NEMP2: variants seen among roughly 807,000 people sequenced by gnomAD.
The protein encoded by NEMP2 is nuclear envelope integral membrane protein 2.
A neutral mutation model predicts 54.2 loss-of-function variants in NEMP2; 53 were observed. The observed-to-expected ratio is 0.98, with a 90% confidence interval of 0.78 to 1.23. The LOEUF (loss-of-function observed/expected upper bound fraction) is 1.23, where lower values mean the gene tolerates loss of function less well. NEMP2 is among the 50% of genes most tolerant of loss of function. NEMP2 has a pLI of 0.00. For synonymous variants in NEMP2, 197 were observed against 190.3 expected, an observed-to-expected ratio of 1.04 and a Z score of -0.29; for missense variants, 455 against 511.3, an observed-to-expected ratio of 0.89 and a Z score of 1.06.
chr2:190,499,808 G>T (rs1280881913), downstream of NEMP2: 2 of 1,527,958 alleles, frequency 1.3e-6, no homozygotes, highest in Non-Finnish European at 1.8e-6. The surrounding 1 kb of genome is among the most constrained non-coding windows in gnomAD (Gnocchi z 6.0). Flanking sequence ...TATAGTGTTT[G>T]TGTTTTTCAT....
the NEMP2 span, among the ~76,000 whole-genome samples, chr2:190,576,168 G>C: frequency 3.9e-5 from 6 of 151,904 alleles, no homozygotes; most frequent in Non-Finnish European, 5.9e-5. Flanking sequence ...ACAGGGTCTC[G>C]CTATGCTGCC....
At chr2:190,475,520 C>A in the NEMP2 span, among the ~76,000 whole-genome samples, 1 of 152,150 alleles carries the variant, frequency 6.6e-6, no homozygotes, top group Non-Finnish European at 1.5e-5. Context: ...TGAAGGACCT[C>A]TTCAAGGAGA....
rs1690551589 is a variant in NEMP2, at chr2:190,516,256, T to C, written c.727+14A>G. 2 of 1,527,078 alleles carry C rather than the reference T, an allele frequency of 1.3e-6. No individual in the cohort carries two copies. The highest frequency in any genetic ancestry group is 1.2e-5 in the South Asian group (1 of 82,154). The allele number at this position is 1,527,078 out of a possible 1,614,324, so 94.6% of individuals were successfully genotyped here. A position where few individuals can be genotyped will look rare whatever the true frequency, so the allele number is the denominator to read the frequency against. On this transcript the variant is annotated intron_variant, in intron 6 of 8. Coordinates refer to ENST00000409150, the MANE Select transcript of NEMP2 (RefSeq NM_001142645.2). ...TTACCAATCACAGAGCATATTGTTT[T>C]TCTATTTACCTACCTAATACATATA... is the stretch of plus-strand genomic sequence containing the variant.
chr2:190,480,514 A>G, the NEMP2 span, among the ~76,000 whole-genome samples: 1 of 152,358 alleles, frequency 6.6e-6, no homozygotes, highest in East Asian at 1.9e-4. Flanking sequence ...TCTTCCTAGG[A>G]TGACATCTTG....
rs1275715795 is a variant in NEMP2, at chr2:190,513,374, C to T, written c.953+1079G>A. ...TCAGCTCAAGCTGAGTGGTAACAGC[C>T]CCGTTTTCAATGAGGTTGCTTTGTA... is the stretch of plus-strand genomic sequence containing the variant. On this transcript the variant is annotated intron_variant, in intron 7 of 8. Coordinates refer to ENST00000409150, the MANE Select transcript of NEMP2 (RefSeq NM_001142645.2). The surrounding 1 kb of genome is among the most constrained non-coding windows in gnomAD (Gnocchi z 5.3). 1.3e-5 allele frequency among the ~76,000 whole-genome samples: 2 copies of T among 152,176 alleles called. No individual in the cohort carries two copies. The highest frequency in any genetic ancestry group is 4.8e-5 in the African/African-American group (2 of 41,428).
chr2:190,545,314 A>C, the NEMP2 span, among the ~76,000 whole-genome samples: 8 of 152,288 alleles, frequency 5.3e-5, no homozygotes, highest in East Asian at 9.6e-4. Flanking sequence ...CACCATTAGG[A>C]AACATTTTTT....
rs1215141211 is a variant in NEMP2 at position 190,525,373 on chromosome 2, T to C, written c.103A>G (p.Arg35Gly). 6.6e-6 allele frequency: 10 copies of C among 1,510,580 alleles called. No homozygotes were observed. The highest frequency in any genetic ancestry group is 9.0e-6 in the Non-Finnish European group (10 of 1,112,696). 93.6% of individuals were successfully genotyped at this position (1,510,580 alleles called of 1,614,324 possible). ...EAAAAALSVR[R>G]CKALKEKDLI... is the part of the protein sequence containing the mutation. ...TCTTTTTCCTTCAAAGCTTTACACCTACGAACTGAGAGATGGAAAAGGGAA... is the reference window on the plus strand; with the variant it reads ...TCTTTTTCCTTCAAAGCTTTACACCCACGAACTGAGAGATGGAAAAGGGAA... Residue 35 changes from arginine to glycine, a missense_variant, in exon 2 of 9, where the codon AGG becomes GGG. By Grantham distance (125) the Arg-to-Gly change is moderately radical. Transcript: ENST00000409150. This position sits in a 1 kb window ranked among gnomAD's most constrained non-coding sequence, Gnocchi z 5.0.
chr2:190,539,166 T>C (rs1691469545), upstream of NEMP2, among the ~76,000 whole-genome samples: 1 of 152,206 alleles, frequency 6.6e-6, no homozygotes, highest in Non-Finnish European at 1.5e-5. This position sits in a 1 kb window ranked among gnomAD's most constrained non-coding sequence, Gnocchi z 4.1. Flanking sequence ...CTTCTGCATA[T>C]GGTTATCCAT....
chr2:190,482,960 C>T, the NEMP2 span, among the ~76,000 whole-genome samples: 14 of 134,288 alleles, frequency 1.0e-4, no homozygotes, highest in Admixed American at 2.6e-4. Flanking sequence ...GGCGCAATCT[C>T]GGCTCACTGC....
In NEMP2 at chr2:190,518,745, G is replaced by A; in HGVS notation, c.509C>T (p.Thr170Ile). 1.3e-6 allele frequency: 2 copies of A among 1,542,402 alleles called. No individual in the cohort carries two copies. Among genetic ancestry groups the A allele is most frequent in the Non-Finnish European group, 1.7e-6 (2 of 1,144,490 alleles). Reference sequence around the variant, plus strand: ...AAAAAGGAATACTTACTGACTCAGGGTCCTTGCATAAAAGAAAAGAAAAAC... The same window carrying A: ...AAAAAGGAATACTTACTGACTCAGGATCCTTGCATAAAAGAAAAGAAAAAC... Reference protein sequence around the residue: ...AGVFLFFYARTLSQSPTFYYS... With the variant: ...AGVFLFFYARILSQSPTFYYS... The change falls in exon 4 of 9, where the codon ACC (threonine) becomes ATC (isoleucine). Residue 170 changes from threonine (T) to isoleucine (I), a missense_variant. Transcript: ENST00000409150.
the NEMP2 span, chr2:190,437,171 T>C: frequency 4.3e-6 from 7 of 1,614,222 alleles, no homozygotes; most frequent in Non-Finnish European, 5.9e-6. The surrounding 1 kb of genome is among the most constrained non-coding windows in gnomAD (Gnocchi z 5.9). Flanking sequence ...CTCATGACCA[T>C]GGCCTTGATC....
At chr2:190,534,726 G>C, upstream of NEMP2, 1 of 1,142,296 alleles carries the variant, frequency 8.8e-7, no homozygotes, top group Non-Finnish European at 1.1e-6. Flanking sequence ...CGGAAGTGGC[G>C]CGGGGGCTCA....
At chr2:190,609,116 T>C in the NEMP2 span, 1 of 152,180 alleles carries the variant, frequency 6.6e-6, no homozygotes, top group Non-Finnish European at 1.5e-5. The surrounding 1 kb of genome is among the most constrained non-coding windows in gnomAD (Gnocchi z 4.7). Flanking sequence ...AAGAGAGTAT[T>C]TCTGTAACCA....
At chr2:190,482,903 T>TTTTTTTTTTTTTTTTTTTTTTTTTG in the NEMP2 span, among the ~76,000 whole-genome samples, 33 of 86,246 alleles carry the variant, frequency 3.8e-4, 12 homozygotes, top group East Asian at 8.2e-4. Context: ...TTTTTTTTTT[T>TTTTTTTTTTTTTTTTTTTTTTTTTG]AGACGGAGTC....
At chr2:190,602,399 G>A in the NEMP2 span, among the ~76,000 whole-genome samples, 4 of 152,244 alleles carry the variant, frequency 2.6e-5, no homozygotes, top group East Asian at 5.8e-4. Flanking sequence ...TGTACTTAAC[G>A]CCTTCAACTG....
the NEMP2 span, among the ~76,000 whole-genome samples, chr2:190,580,938 T>G: frequency 6.6e-6 from 1 of 152,340 alleles, no homozygotes; most frequent in East Asian, 1.9e-4. This position sits in a 1 kb window ranked among gnomAD's most constrained non-coding sequence, Gnocchi z 5.3. Flanking sequence ...TCCAAACGCT[T>G]ATTTATTTTA....
chr2:190,556,556 A>C, the NEMP2 span, among the ~76,000 whole-genome samples: 1 of 152,336 alleles, frequency 6.6e-6, no homozygotes, highest in East Asian at 1.9e-4. Flanking sequence ...TTTGCTGATG[A>C]CATGATTGTA....
At chr2:190,627,303 A>G in the NEMP2 span, among the ~76,000 whole-genome samples, 2 of 152,230 alleles carry the variant, frequency 1.3e-5, no homozygotes, top group African/African-American at 4.8e-5. This position sits in a 1 kb window ranked among gnomAD's most constrained non-coding sequence, Gnocchi z 4.4. Context: ...TTGGAGTTCT[A>G]TTTATCATAA....
chr2:190,425,743 C>G, the NEMP2 span, among the ~76,000 whole-genome samples: 1 of 152,168 alleles, frequency 6.6e-6, no homozygotes, highest in African/African-American at 2.4e-5. This position sits in a 1 kb window ranked among gnomAD's most constrained non-coding sequence, Gnocchi z 4.3. Flanking sequence ...TTGCTAAATT[C>G]TCTTTTCTAA....
Sources: gnomAD v4.1 joint callset for allele counts (sites outside exome capture counted in the v4.1 genomes callset) on GRCh38, gnomAD v4.1.1 for gene constraint, Gnocchi (gnomAD v3.1) non-coding constraint, MANE v1.5 for transcripts, NCBI Gene and HGNC (gene_info 2026-07-23, HGNC 2026-07-21) for gene names.